Variants in PTPRG observed in about 807,000 individuals in gnomAD.
PTPRG encodes the protein protein tyrosine phosphatase receptor type G.
In PTPRG, 102 loss-of-function variants were observed where a neutral mutation model predicts 165.3. The ratio of observed to expected loss-of-function variants is 0.62; its 90% CI spans 0.53 to 0.73. PTPRG has a LOEUF of 0.73. Ranked by LOEUF, PTPRG falls within the 30% of genes least tolerant of loss-of-function variation. The pLI is 0.00. For missense variants in PTPRG, 1,866 were observed against 1,861.4 expected, an observed-to-expected ratio of 1.00 and a Z score of -0.05; for synonymous variants, 675 against 669.5, an observed-to-expected ratio of 1.01 and a Z score of -0.13.
At chr3:61,960,576 A>T (rs141579598) in intron 2 of PTPRG, among the ~76,000 whole-genome samples, 1 of 152,260 alleles carries the variant, frequency 6.6e-6, no homozygotes, top group African/African-American at 2.4e-5. Flanking sequence ...CAAGAAATTT[A>T]ATATACTCTG....
At chr3:62,009,062 A>G (rs2041359412) in intron 4 of PTPRG, among the ~76,000 whole-genome samples, 3 of 152,250 alleles carry the variant, frequency 2.0e-5, no homozygotes. Context: ...AGTACTCTAC[A>G]TAGCTTCACA....
intron 2 of PTPRG, among the ~76,000 whole-genome samples, chr3:61,890,423 G>GTTTTTTTTTTTTTTTTTTTTTTTTTTTTT (rs11328993): frequency 8.4e-6 from 1 of 119,242 alleles, no homozygotes; most frequent in Admixed American, 8.4e-5. Flanking sequence ...TTTTTTTTTT[G>GTTTTTTTTTTTTTTTTTTTTTTTTTTTTT]TTTTTTTTTT....
At chr3:61,623,301 C>T (rs534367698) in intron 1 of PTPRG, among the ~76,000 whole-genome samples, 24 of 152,176 alleles carry the variant, frequency 1.6e-4, no homozygotes, top group African/African-American at 5.8e-4. Context: ...ACTCAGATCC[C>T]TCCTTGGGCG....
Position 62,020,257 on chromosome 3 carries a change from T to A in PTPRG, c.519+16760T>A, listed in dbSNP as rs2041658200. On this transcript the variant is annotated intron_variant, in intron 4 of 29. Coordinates refer to ENST00000474889, the MANE Select transcript of PTPRG (RefSeq NM_002841.4). ...CAGTTCTTCAAAAATGAAATCTAATTTTCCTACTTGTACCTTGCTGCATTC... is the reference window on the plus strand; with the variant it reads ...CAGTTCTTCAAAAATGAAATCTAATATTCCTACTTGTACCTTGCTGCATTC... 2.0e-5 allele frequency among the ~76,000 whole-genome samples: 3 copies of A among 152,188 alleles called. No individual in the cohort carries two copies. In the South Asian group the frequency reaches 6.2e-4, roughly 32 times the overall value.
chr3:62,231,429 C>A, intron 14 of PTPRG, 118 bp downstream of exon 14: 1 of 611,740 alleles, frequency 1.6e-6, no homozygotes, highest in Non-Finnish European at 2.5e-6. Context: ...CTGAAACTCA[C>A]CTGCTTTACC....
intron 2 of PTPRG, among the ~76,000 whole-genome samples, chr3:61,874,308 G>A (rs545518762): frequency 5.3e-5 from 8 of 152,278 alleles, no homozygotes; most frequent in Middle Eastern, 3.4e-3. Flanking sequence ...TGCTCTCATG[G>A]TTGACCACGT....
rs529914126 is a variant in PTPRG, at chr3:62,071,287, A to G, written c.520-6876A>G. Among the ~76,000 whole-genome samples the G allele has an allele frequency of 3.3e-5, 5 of 152,286 alleles. No individual in the cohort carries two copies. In the South Asian group the frequency reaches 1.0e-3, roughly 32 times the overall value. ...AAATCGCTTTTTGAGAGGAAATAAA[A>G]CGTAGAGCTTTCTAAATCTGCATAT... is the stretch of plus-strand genomic sequence containing the variant. On this transcript the variant is annotated intron_variant, in intron 4 of 29. Transcript: ENST00000474889.
intron 6 of PTPRG, among the ~76,000 whole-genome samples, chr3:62,143,637 T>A (rs1246161761): frequency 6.6e-6 from 1 of 152,088 alleles, no homozygotes; most frequent in Non-Finnish European, 1.5e-5. Context: ...TAATCTCACG[T>A]TGAACCTTTG....
At chr3:62,023,778 A>C (rs1445981838) in intron 4 of PTPRG, among the ~76,000 whole-genome samples, 2 of 152,174 alleles carry the variant, frequency 1.3e-5, no homozygotes, top group East Asian at 1.9e-4. Flanking sequence ...TGAGGTGAGC[A>C]TTAAAGAAGG....
chr3:61,984,421 A>G (rs2040709210), intron 2 of PTPRG, among the ~76,000 whole-genome samples: 1 of 152,138 alleles, frequency 6.6e-6, no homozygotes, highest in Non-Finnish European at 1.5e-5. Flanking sequence ...CATTTATCCA[A>G]AAAGAATATG....
intron 2 of PTPRG, among the ~76,000 whole-genome samples, chr3:61,940,693 T>G (rs1302696143): frequency 6.6e-6 from 1 of 150,492 alleles, no homozygotes; most frequent in Non-Finnish European, 1.5e-5. Flanking sequence ...TGACAGAGTC[T>G]CGCTCTGTTG....
chr3:61,916,093 C>T (rs2038929864), intron 2 of PTPRG, among the ~76,000 whole-genome samples: 1 of 152,144 alleles, frequency 6.6e-6, no homozygotes, highest in Admixed American at 6.5e-5. Context: ...ATCCCTTAGC[C>T]CAAATGCAGT....
chr3:61,939,514 A>G (rs2039560564), intron 2 of PTPRG, among the ~76,000 whole-genome samples: 1 of 152,226 alleles, frequency 6.6e-6, no homozygotes, highest in Non-Finnish European at 1.5e-5. Flanking sequence ...AGATTTTATA[A>G]GATTGTTTAA....
At chr3:62,275,771 G>A (rs1439689879) in intron 23 of PTPRG, 102 bp from the exon 24 acceptor site, 3 of 812,804 alleles carry the variant, frequency 3.7e-6, no homozygotes, top group Non-Finnish European at 5.8e-6. Context: ...CACAGAAATG[G>A]TCTTGTTTAT....
chr3:61,566,152 AAAG>A (rs1214993257), intron 1 of PTPRG, among the ~76,000 whole-genome samples: 2 of 152,252 alleles, frequency 1.3e-5, no homozygotes, highest in African/African-American at 4.8e-5. Flanking sequence ...GTTGTTGCTG[AAAG>A]AAGAAAGGTC....
chr3:62,149,880 G>C (rs187947105), intron 6 of PTPRG, among the ~76,000 whole-genome samples: 1 of 152,280 alleles, frequency 6.6e-6, no homozygotes, highest in African/African-American at 2.4e-5. Flanking sequence ...TCAATCCTGG[G>C]AAGTTTTGGA....
chr3:62,056,460 G>C (rs1700638532), intron 4 of PTPRG, among the ~76,000 whole-genome samples: 1 of 151,932 alleles, frequency 6.6e-6, no homozygotes, highest in Non-Finnish European at 1.5e-5. Flanking sequence ...TGTATTTTAT[G>C]GTAGCCCAAG....
intron 1 of PTPRG, among the ~76,000 whole-genome samples, chr3:61,647,434 A>G (rs1467346203): frequency 3.3e-5 from 5 of 152,210 alleles, no homozygotes; most frequent in African/African-American, 9.6e-5. Flanking sequence ...ACTGAGCCAC[A>G]TGGTATGTGC....
chr3:61,923,409 T>C (rs1416310085), intron 2 of PTPRG, among the ~76,000 whole-genome samples: 4 of 152,114 alleles, frequency 2.6e-5, no homozygotes, highest in Non-Finnish European at 5.9e-5. Flanking sequence ...TTATTTTTTA[T>C]TTTTATTATT....
Sources: gnomAD v4.1 joint callset for allele counts (sites outside exome capture counted in the v4.1 genomes callset) on GRCh38, gnomAD v4.1.1 for gene constraint, MANE v1.5 for transcripts, NCBI Gene and HGNC (gene_info 2026-07-23, HGNC 2026-07-21) for gene names.